Variants in ATP2B2 observed in about 807,000 individuals in gnomAD.
ATP2B2 encodes the protein plasma membrane calcium-transporting ATPase 2.
In ATP2B2, 15 loss-of-function variants were observed where a neutral mutation model predicts 120.0. The ratio of observed to expected loss-of-function variants is 0.12; its 90% CI spans 0.08 to 0.19. ATP2B2 has a LOEUF of 0.19. Among genes scored for constraint, ATP2B2 ranks in the 10% least tolerant of loss-of-function variants. ATP2B2 has a pLI of 1.00. For missense variants in ATP2B2, 1,045 were observed against 1,719.8 expected (o/e 0.61, Z 6.94); for synonymous variants, 694 against 700.3 (o/e 0.99, Z 0.14).
intron 2 of ATP2B2, among the ~76,000 whole-genome samples, chr3:10,556,033 G>A (rs546529925): frequency 6.6e-6 from 1 of 152,262 alleles, no homozygotes; most frequent in South Asian, 2.1e-4. Flanking sequence ...TGAGTAGCTG[G>A]GATTACAGGC....
chr3:10,620,639 G>A (rs1184333306), intron 1 of ATP2B2, among the ~76,000 whole-genome samples: 1 of 152,200 alleles, frequency 6.6e-6, no homozygotes, highest in East Asian at 1.9e-4. Flanking sequence ...CAGAGCAGAT[G>A]CTTGATGGGA....
At chr3:10,495,171 T>C (rs2066093699) in intron 1 of ATP2B2, among the ~76,000 whole-genome samples, 1 of 152,178 alleles carries the variant, frequency 6.6e-6, no homozygotes, top group Non-Finnish European at 1.5e-5. Context: ...CCGTGGGCAG[T>C]TGCATTGGGA....
intron 2 of ATP2B2, among the ~76,000 whole-genome samples, chr3:10,575,681 A>C (rs952932216): frequency 6.6e-6 from 1 of 152,216 alleles, no homozygotes; most frequent in Admixed American, 6.5e-5. Flanking sequence ...AGAAATGTGC[A>C]TAAAAACACC....
intron 1 of ATP2B2, among the ~76,000 whole-genome samples, chr3:10,453,470 G>A (rs1358966966): frequency 1.3e-5 from 2 of 152,186 alleles, no homozygotes; most frequent in African/African-American, 4.8e-5. Flanking sequence ...TTAGTGAGTG[G>A]TGGATCTGGG....
rs1274205864 is a variant in ATP2B2, at chr3:10,347,299, T to C, written c.2405-1162A>G. Among the ~76,000 whole-genome samples the C allele has an allele frequency of 1.3e-5, 2 of 152,184 alleles. No individual in the cohort carries two copies. Among genetic ancestry groups the C allele is most frequent in the Admixed American group, 6.5e-5 (1 of 15,280 alleles). On this transcript the variant is annotated intron_variant, in intron 16 of 22. Transcript: ENST00000360273. The surrounding 1 kb of genome is among the most constrained non-coding windows in gnomAD (Gnocchi z 5.2). ...TGGAGGTACTCCTGTCACCCACCTG[T>C]ACTGTATTTTTGGCTCAGAGGCTGC...
At chr3:10,600,835 G>A (rs1368167182) in intron 2 of ATP2B2, among the ~76,000 whole-genome samples, 1 of 152,216 alleles carries the variant, frequency 6.6e-6, no homozygotes, top group Non-Finnish European at 1.5e-5. Context: ...GGCATGGGGA[G>A]GGAGATGAGC....
intron 1 of ATP2B2, among the ~76,000 whole-genome samples, chr3:10,642,201 C>T (rs905974109): frequency 3.3e-5 from 5 of 152,176 alleles, no homozygotes; most frequent in African/African-American, 4.8e-5. Flanking sequence ...CTTCCCTGAG[C>T]CTCAATTTCC....
At chr3:10,688,215 GA>G (rs1399725329) in intron 1 of ATP2B2, among the ~76,000 whole-genome samples, 1 of 152,126 alleles carries the variant, frequency 6.6e-6, no homozygotes, top group Non-Finnish European at 1.5e-5. Flanking sequence ...AGAATGCCCA[GA>G]AGACAAAACA....
chr3:10,350,004 C>T (rs962862513), intron 16 of ATP2B2, 108 bp downstream of exon 16: 18 of 1,140,254 alleles, frequency 1.6e-5, no homozygotes, highest in Admixed American at 1.2e-4. Flanking sequence ...GAGTCAGGGG[C>T]GAGGGGCCCT....
intron 2 of ATP2B2, among the ~76,000 whole-genome samples, chr3:10,433,738 A>AG (rs1464154161): frequency 6.6e-6 from 1 of 152,214 alleles, no homozygotes; most frequent in Non-Finnish European, 1.5e-5. Flanking sequence ...AATCCATGGA[A>AG]GGTAGTTCCT....
intron 1 of ATP2B2, among the ~76,000 whole-genome samples, chr3:10,466,999 TC>T (rs1199541515): frequency 8.5e-5 from 13 of 152,208 alleles, no homozygotes; most frequent in Non-Finnish European, 1.3e-4. Flanking sequence ...CATTAGCTGC[TC>T]CTGCTCCACC....
chr3:10,528,264 T>C (rs1420336674), intron 3 of ATP2B2, among the ~76,000 whole-genome samples: 1 of 152,100 alleles, frequency 6.6e-6, no homozygotes, highest in Non-Finnish European at 1.5e-5. Flanking sequence ...CGCGTGCATC[T>C]GGCCCAACCC....
At chr3:10,688,694 G>C (rs951697377) in intron 1 of ATP2B2, among the ~76,000 whole-genome samples, 3 of 152,184 alleles carry the variant, frequency 2.0e-5, no homozygotes, top group African/African-American at 4.8e-5. Context: ...CCTATGGCCA[G>C]CGGATGCAGC....
At chr3:10,512,459 T>TGCGCGC (rs1427493421) in intron 3 of ATP2B2, among the ~76,000 whole-genome samples, 6 of 80,604 alleles carry the variant, frequency 7.4e-5, no homozygotes, top group African/African-American at 5.7e-4. Context: ...TGCTAAAGTG[T>TGCGCGC]GTGCGCACAC....
intron 12 of ATP2B2, among the ~76,000 whole-genome samples, chr3:10,360,525 T>C (rs577364024): frequency 2.6e-4 from 40 of 152,340 alleles, no homozygotes; most frequent in African/African-American, 9.4e-4. Context: ...ATCTGCATAA[T>C]TCACTCCTTG....
At chr3:10,579,044 G>A (rs1409109937) in intron 2 of ATP2B2, among the ~76,000 whole-genome samples, 2 of 152,168 alleles carry the variant, frequency 1.3e-5, no homozygotes, top group Non-Finnish European at 2.9e-5. Context: ...TTTGCTCATT[G>A]TACTGTGCAG....
upstream of ATP2B2, among the ~76,000 whole-genome samples, chr3:10,507,791 T>C (rs970664592): frequency 3.7e-4 from 56 of 152,190 alleles, no homozygotes; most frequent in African/African-American, 1.3e-3. Flanking sequence ...GTGGCTGCCG[T>C]GAGCACCCAA....
intron 3 of ATP2B2, among the ~76,000 whole-genome samples, chr3:10,524,727 G>A (rs1388863972): frequency 6.6e-6 from 1 of 152,078 alleles, no homozygotes; most frequent in East Asian, 1.9e-4. Context: ...TTTTCCCCAT[G>A]TTGGGGCAAG....
intron 8 of ATP2B2, among the ~76,000 whole-genome samples, chr3:10,383,632 G>T (rs1232715904): frequency 6.6e-6 from 1 of 152,170 alleles, no homozygotes; most frequent in East Asian, 1.9e-4. Context: ...GTGACCTTAG[G>T]CTAGTGTCTT....
Sources: allele counts gnomAD v4.1 joint callset (sites outside exome capture counted in the v4.1 genomes callset), GRCh38; gene constraint gnomAD v4.1.1; non-coding constraint Gnocchi (gnomAD v3.1); transcripts MANE v1.5; gene names NCBI Gene and HGNC (gene_info 2026-07-23, HGNC 2026-07-21).